The following PCDHA10 variants were observed in gnomAD, a reference collection of about 807,000 sequenced individuals.
The protein encoded by PCDHA10 is protocadherin alpha-10.
PCDHA10 carries 45 observed loss-of-function variants against 61.2 expected under a neutral mutation model. The ratio of observed to expected loss-of-function variants is 0.74; its 90% CI spans 0.58 to 0.94. The LOEUF (loss-of-function observed/expected upper bound fraction) is 0.94. Among genes scored for constraint, PCDHA10 ranks in the 40% least tolerant of loss-of-function variants. The pLI is 0.00. For synonymous variants in PCDHA10, 602 were observed against 548.8 expected (o/e 1.10, Z -1.35); for missense variants, 1,278 against 1,236.2 (o/e 1.03, Z -0.51).
chr5:140,966,538 C>T, intron 1 of PCDHA10: 2 of 463,262 alleles, frequency 4.3e-6, no homozygotes, highest in South Asian at 1.1e-4. Flanking sequence ...GGTTGAGCGA[C>T]TCGGAGGCGA....
intron 3 of PCDHA10, among the ~76,000 whole-genome samples, chr5:141,006,960 G>A (rs1183082923): frequency 6.6e-6 from 1 of 152,184 alleles, no homozygotes; most frequent in Non-Finnish European, 1.5e-5. Flanking sequence ...TTATACATGA[G>A]ATTGGAGCAC....
chr5:140,913,471 C>G (rs2076351409), intron 1 of PCDHA10, among the ~76,000 whole-genome samples: 1 of 152,010 alleles, frequency 6.6e-6, no homozygotes, highest in South Asian at 2.1e-4. Context: ...TGGGTCTTCT[C>G]TCTTTTTTTC....
At chr5:140,993,894 A>G (rs1267639459) in intron 3 of PCDHA10, among the ~76,000 whole-genome samples, 2 of 152,204 alleles carry the variant, frequency 1.3e-5, no homozygotes, top group African/African-American at 4.8e-5. Flanking sequence ...TGATGTCCAT[A>G]CAACAAAAAT....
chr5:140,892,172 G>A (rs2063414943), intron 1 of PCDHA10, among the ~76,000 whole-genome samples: 1 of 152,100 alleles, frequency 6.6e-6, no homozygotes, highest in African/African-American at 2.4e-5. Flanking sequence ...CAGTAACTGG[G>A]ATCCTCATGG....
chr5:141,009,946 A>G lies in PCDHA10; in HGVS notation c.*9A>G, dbSNP rs781855183. On this transcript the variant is annotated 3_prime_UTR_variant, in exon 4 of 4. Transcript: ENST00000307360. ...ACAACAGTGACCAGTGAGGTCCTCA[A>G]ATGGAAACAAGCCACTTAGCCAGTT... 8.8e-6 allele frequency: 14 copies of G among 1,596,354 alleles called. No homozygotes were observed. The highest frequency in any genetic ancestry group is 1.7e-4 in the Middle Eastern group (1 of 5,948).
chr5:140,899,140 G>A (rs2067159296), intron 1 of PCDHA10, among the ~76,000 whole-genome samples: 1 of 152,090 alleles, frequency 6.6e-6, no homozygotes, highest in Non-Finnish European at 1.5e-5. Flanking sequence ...CTGCAAACAG[G>A]GACAATTTGA....
rs77098340 is a variant in PCDHA10 at position 140,895,412 on chromosome 5, C to T, written c.2388+36976C>T. 8.0e-3 allele frequency among the ~76,000 whole-genome samples: 1,218 copies of T among 152,216 alleles called. 6 individuals carry two copies. Among genetic ancestry groups the T allele is most frequent in the African/African-American group, 0.019 (785 of 41,528 alleles). On this transcript the variant is annotated intron_variant, in intron 1 of 3. Coordinates refer to ENST00000307360, the MANE Select transcript of PCDHA10 (RefSeq NM_018901.4). The stretch of plus-strand genomic sequence containing the variant: ...CTCAACACCATCAAAAGCCCCATAA[C>T]CTTCTTTTGCTTCCTCCTGAGACTC...
intron 1 of PCDHA10, among the ~76,000 whole-genome samples, chr5:140,879,619 G>C (rs1554170883): frequency 6.6e-6 from 1 of 152,182 alleles, no homozygotes; most frequent in African/African-American, 2.4e-5. Flanking sequence ...CAGGTACTTA[G>C]GTGGGTAAGT....
rs184181976 is a variant in PCDHA10, at chr5:141,009,882, A to C, written c.2792A>C (p.Lys931Thr). Reference protein sequence around the residue: ...KKKKKKKKGNKTQEKKEKGNS... With the variant: ...KKKKKKKKGNTTQEKKEKGNS... Reference sequence around the variant, plus strand: ...AAGAAGAAAAAGAAGAAGGGTAACAAGACCCAGGAGAAAAAAGAGAAAGGG... The same window carrying C: ...AAGAAGAAAAAGAAGAAGGGTAACACGACCCAGGAGAAAAAAGAGAAAGGG... The change falls in exon 4 of 4, where the codon AAG becomes ACG. Residue 931 changes from lysine (K) to threonine (T), a missense_variant. Physicochemically the swap from Lys to Thr is moderately conservative, Grantham distance 78. Transcript: ENST00000307360. 6.2e-7 allele frequency: 1 copy of C among 1,613,488 alleles called. No homozygotes were observed. Among genetic ancestry groups the C allele is most frequent in the Non-Finnish European group, 8.5e-7 (1 of 1,179,914 alleles).
At chr5:140,904,570 G>T (rs1377408350) in intron 1 of PCDHA10, among the ~76,000 whole-genome samples, 1 of 151,378 alleles carries the variant, frequency 6.6e-6, no homozygotes, top group African/African-American at 2.4e-5. Context: ...TTTTCCTCTG[G>T]GTAGACACCC....
intron 1 of PCDHA10, among the ~76,000 whole-genome samples, chr5:140,908,279 G>T (rs2073895272): frequency 6.6e-6 from 1 of 151,782 alleles, no homozygotes; most frequent in South Asian, 2.1e-4. Flanking sequence ...TGAGGCCATT[G>T]TTGCAAGCTG....
intron 3 of PCDHA10, among the ~76,000 whole-genome samples, chr5:140,993,099 C>T (rs1253807421): frequency 6.6e-6 from 1 of 152,206 alleles, no homozygotes; most frequent in Non-Finnish European, 1.5e-5. Context: ...TATGTTTATT[C>T]AGCGGTCAGT....
chr5:140,855,941 C>A lies in PCDHA10; in HGVS notation c.-108C>A. ...AGGAAGTAGCGTCATTCTGAGATCT[C>A]AGCCATTTCGATAAAAAATAGATAT... On this transcript the variant is annotated 5_prime_UTR_variant, in exon 1 of 4. Coordinates refer to ENST00000307360, the MANE Select transcript of PCDHA10 (RefSeq NM_018901.4). 1 of 1,328,220 alleles carries A rather than the reference C, an allele frequency of 7.5e-7. No homozygotes were observed. The highest frequency in any genetic ancestry group is 1.4e-5 in the South Asian group (1 of 68,982). The allele number at this position is 1,328,220 out of a possible 1,614,324, so 82.3% of individuals were successfully genotyped here.
At chr5:140,925,231 G>A (rs2082401450) in intron 1 of PCDHA10, among the ~76,000 whole-genome samples, 1 of 152,154 alleles carries the variant, frequency 6.6e-6, no homozygotes, top group Non-Finnish European at 1.5e-5. Flanking sequence ...GTTTCTACCA[G>A]AAAATATGTC....
At position 140,856,894 on chromosome 5, in the gene PCDHA10, T is replaced by C. The variant is rs1389376451; in HGVS notation, c.846T>C (p.Ser282=). The C allele has an allele frequency of 6.3e-7, 1 of 1,596,592 alleles. No individual in the cohort carries two copies. Among genetic ancestry groups the C allele is most frequent in the Non-Finnish European group, 8.6e-7 (1 of 1,166,496 alleles). The change falls in exon 1 of 4, where the codon TCT becomes TCC. Residue 282 remains serine, a synonymous_variant. Transcript: ENST00000307360. The part of the protein sequence containing the change: ...INKEMMYSFS[S]LVPPTIRRKF... ...AGGAAATGATGTATTCATTTAGCTC[T>C]TTGGTCCCACCCACGATAAGAAGGA...
At chr5:140,982,688 A>ATACATACATGATTTCCT in intron 3 of PCDHA10, 125 bp downstream of exon 3, 1 of 1,415,764 alleles carries the variant, frequency 7.1e-7, no homozygotes, top group Non-Finnish European at 9.3e-7. Flanking sequence ...CCTTTTTTCC[A>ATACATACATGATTTCCT]TACATACATG....
At chr5:140,863,676 C>A (rs1403210762) in intron 1 of PCDHA10, 1 of 292,478 alleles carries the variant, frequency 3.4e-6, no homozygotes, top group Non-Finnish European at 6.7e-6. Context: ...TTTGCTTTTG[C>A]TTTTTCTTTT....
At chr5:140,973,358 A>G (rs1450961086) in intron 1 of PCDHA10, among the ~76,000 whole-genome samples, 1 of 152,234 alleles carries the variant, frequency 6.6e-6, no homozygotes, top group Non-Finnish European at 1.5e-5. Flanking sequence ...GTGAATTTAT[A>G]AAAATTGCAC....
chr5:140,989,387 T>A (rs1269344397), intron 3 of PCDHA10, among the ~76,000 whole-genome samples: 2 of 152,122 alleles, frequency 1.3e-5, no homozygotes, highest in Non-Finnish European at 2.9e-5. Context: ...GTGGGAAAGA[T>A]GATATGGAGG....
Sources: gnomAD v4.1 joint callset for allele counts (sites outside exome capture counted in the v4.1 genomes callset) on GRCh38, gnomAD v4.1.1 for gene constraint, MANE v1.5 for transcripts, NCBI Gene and HGNC (gene_info 2026-07-23, HGNC 2026-07-21) for gene names.